Variants in MDGA1 observed in about 807,000 individuals in gnomAD.
MDGA1 encodes the protein MAM domain containing glycosylphosphatidylinositol anchor 1, also known as MAM domain-containing glycosylphosphatidylinositol anchor protein 1.
In MDGA1, 54 loss-of-function variants were observed where a neutral mutation model predicts 101.5. The ratio of observed to expected loss-of-function variants is 0.53; its 90% confidence interval spans 0.43 to 0.67. MDGA1 has a LOEUF of 0.67. Among genes scored for constraint, MDGA1 ranks in the 30% least tolerant of loss-of-function variants. MDGA1 has a pLI of 0.00. For synonymous variants in MDGA1, 533 were observed against 558.3 expected (o/e 0.95, Z 0.64); for missense variants, 1,083 against 1,323.8 (o/e 0.82, Z 2.82).
intron 1 of MDGA1, among the ~76,000 whole-genome samples, chr6:37,669,150 G>T (rs1761818805): frequency 6.6e-6 from 1 of 152,182 alleles, no homozygotes; most frequent in South Asian, 2.1e-4. Flanking sequence ...CTGGCCAAGA[G>T]AACTTTCTTG....
At chr6:37,670,358 T>C (rs1761842041) in intron 1 of MDGA1, among the ~76,000 whole-genome samples, 1 of 152,130 alleles carries the variant, frequency 6.6e-6, no homozygotes, top group Non-Finnish European at 1.5e-5. Context: ...GTAGGGATGT[T>C]TCATGAACAT....
At chr6:37,681,189 C>T (rs1016651685) in intron 1 of MDGA1, among the ~76,000 whole-genome samples, 8 of 152,222 alleles carry the variant, frequency 5.3e-5, no homozygotes, top group African/African-American at 1.9e-4. Context: ...ACGGATTCCT[C>T]CCTGTCTCAG....
rs1763995630 is a variant in MDGA1, at chr6:37,638,746, C to T, written c.2537-79G>A. On this transcript the variant is annotated intron_variant, in intron 14 of 16. Coordinates refer to ENST00000434837, the MANE Select transcript of MDGA1 (RefSeq NM_153487.4). The surrounding 1 kb of genome is among the most constrained non-coding windows in gnomAD (Gnocchi z 4.8). ...CTTTCCACATTTACCAAGCCCTCTT[C>T]TCCCACCATAGCCTGCAGCCCTGTC... 2.6e-6 allele frequency: 4 copies of T among 1,527,604 alleles called. No individual in the cohort carries two copies. The South Asian group carries it at 3.7e-5, about 14-fold the overall frequency. 94.6% of individuals were successfully genotyped at this position (1,527,604 alleles called of 1,614,324 possible). A position where few individuals can be genotyped will look rare whatever the true frequency, so the allele number is the denominator to read the frequency against.
intron 12 of MDGA1, 95 bp downstream of exon 12, chr6:37,645,834 TCTGA>T: frequency 7.1e-7 from 1 of 1,399,530 alleles, no homozygotes; most frequent in South Asian, 1.2e-5. Flanking sequence ...TCATTTTCTC[TCTGA>T]CTATCTCAAG....
In MDGA1 at chr6:37,638,064, C is replaced by T. The variant is rs1256847228; in HGVS notation, c.2776+141G>A. ...AGTGAGTGTGGGGCACACCTTCACA[C>T]AGTCAGAGCCACATGATTCCCATCA... On this transcript the variant is annotated intron_variant, in intron 16 of 16. Transcript: ENST00000434837. This position sits in a 1 kb window ranked among gnomAD's most constrained non-coding sequence, Gnocchi z 4.8. 1 of 707,804 alleles carries T rather than the reference C, an allele frequency of 1.4e-6. No homozygotes were observed. Among genetic ancestry groups the T allele is most frequent in the Non-Finnish European group, 2.5e-6 (1 of 392,704 alleles). The allele number at this position is 707,804 out of a possible 1,614,324, so 43.8% of individuals were successfully genotyped here.
At chr6:37,670,104 A>G (rs551035937) in intron 1 of MDGA1, among the ~76,000 whole-genome samples, 6 of 152,018 alleles carry the variant, frequency 3.9e-5, no homozygotes, top group African/African-American at 1.4e-4. Flanking sequence ...AAATTACTTA[A>G]CCTCTCTGAG....
intron 16 of MDGA1, among the ~76,000 whole-genome samples, chr6:37,637,776 A>AT (rs563131197): frequency 6.6e-6 from 1 of 152,150 alleles, no homozygotes; most frequent in African/African-American, 2.4e-5. Flanking sequence ...TGTTGTGAGG[A>AT]TTAACTGTTG....
intron 1 of MDGA1, among the ~76,000 whole-genome samples, chr6:37,675,787 A>T (rs1761966341): frequency 6.6e-6 from 1 of 152,178 alleles, no homozygotes; most frequent in East Asian, 1.9e-4. Flanking sequence ...CAGAAAGGAA[A>T]GTTCTAGCCC....
At chr6:37,686,197 C>T (rs918152621) in intron 1 of MDGA1, among the ~76,000 whole-genome samples, 19 of 152,274 alleles carry the variant, frequency 1.2e-4, no homozygotes, top group African/African-American at 4.3e-4. Context: ...TTAAAGACAG[C>T]AGACTCAGCC....
chr6:37,692,911 A>G (rs929226559), intron 1 of MDGA1, among the ~76,000 whole-genome samples: 5 of 152,108 alleles, frequency 3.3e-5, no homozygotes, highest in Non-Finnish European at 7.4e-5. Flanking sequence ...GCAGATTCCC[A>G]TCCTGTAATG....
Position 37,637,468 on chromosome 6 carries a change from G to T in MDGA1, c.2777-9C>A. 1 of 1,611,344 alleles carries T rather than the reference G, an allele frequency of 6.2e-7. No individual in the cohort carries two copies. Among genetic ancestry groups the T allele is most frequent in the Non-Finnish European group, 8.5e-7 (1 of 1,178,074 alleles). ...GCCCGGCATCACCACCACTGCAACA[G>T]GGGAGAAAGAGGAGACAGGCCAGGG... is the stretch of plus-strand genomic sequence containing the variant. On this transcript the variant is annotated splice_polypyrimidine_tract_variant and intron_variant, in intron 16 of 16. Transcript: ENST00000434837.
intron 1 of MDGA1, among the ~76,000 whole-genome samples, chr6:37,676,779 C>T (rs1451185273): frequency 6.6e-6 from 1 of 152,096 alleles, no homozygotes; most frequent in Non-Finnish European, 1.5e-5. Flanking sequence ...TGCCTGTAAT[C>T]CCAGCTACTC....
At chr6:37,664,909 C>A (rs35512684) in intron 1 of MDGA1, among the ~76,000 whole-genome samples, 10 of 85,822 alleles carry the variant, frequency 1.2e-4, no homozygotes, top group Admixed American at 2.6e-4. Flanking sequence ...ACACACACGG[C>A]TGCACATTGC....
Position 37,649,157 on chromosome 6 carries a change from A to T in MDGA1, c.1719T>A (p.Ala573=), listed in dbSNP as rs1266377605. ...LRGSPQRIAS[A]VWRFKGQLLP... Reference sequence around the variant, plus strand: ...GCAGCTGCCCTTTGAAACGCCACACAGCCGAGGCGATGCGCTGGGGGCTGC... The same window carrying T: ...GCAGCTGCCCTTTGAAACGCCACACTGCCGAGGCGATGCGCTGGGGGCTGC... Residue 573 remains alanine, a synonymous_variant, in exon 9 of 17, where the codon GCT becomes GCA. Transcript: ENST00000434837. The T allele has an allele frequency of 2.0e-6, 3 of 1,504,266 alleles. No individual in the cohort carries two copies. Among genetic ancestry groups the T allele is most frequent in the Non-Finnish European group, 2.6e-6 (3 of 1,133,656 alleles). The allele number at this position is 1,504,266 out of a possible 1,614,324, so 93.2% of individuals were successfully genotyped here. A position where few individuals can be genotyped will look rare whatever the true frequency, so the allele number is the denominator to read the frequency against.
In MDGA1 at chr6:37,636,686, G is replaced by A. The variant is rs1763936459; in HGVS notation, c.*682C>T. On this transcript the variant is annotated 3_prime_UTR_variant, in exon 17 of 17. Coordinates refer to ENST00000434837, the MANE Select transcript of MDGA1 (RefSeq NM_153487.4). ...CTTCAAAGGGTGCACACTGAGGAGG[G>A]AAATATGGTGTCCCAGAAATAGGTC... 2 of 152,848 alleles carry A rather than the reference G, an allele frequency of 1.3e-5. No individual in the cohort carries two copies. Among genetic ancestry groups the A allele is most frequent in the Non-Finnish European group, 2.9e-5 (2 of 68,104 alleles). The allele number at this position is 152,848 out of a possible 1,614,324, so 9.5% of individuals were successfully genotyped here.
At chr6:37,662,643 A>AAAAAAAGAAAAGAAAAGAAAAC in intron 2 of MDGA1, among the ~76,000 whole-genome samples, 1 of 145,230 alleles carries the variant, frequency 6.9e-6, no homozygotes, top group South Asian at 2.2e-4. Flanking sequence ...TCAAAAAAAA[A>AAAAAAAGAAAAGAAAAGAAAAC]AAAACAAGGA....
chr6:37,640,693 G>C (rs898345502), intron 14 of MDGA1, among the ~76,000 whole-genome samples: 1 of 152,076 alleles, frequency 6.6e-6, no homozygotes, highest in South Asian at 2.1e-4. Context: ...TGAGCAGGGG[G>C]GACATTGGAG....
intron 1 of MDGA1, among the ~76,000 whole-genome samples, chr6:37,690,360 G>A (rs1762283483): frequency 6.6e-6 from 1 of 152,202 alleles, no homozygotes; most frequent in South Asian, 2.1e-4. Flanking sequence ...AGCAGTTCTG[G>A]GTTCAAGTCC....
rs201772848 is a variant in MDGA1, at chr6:37,638,555, G to A, written c.2649C>T (p.Ser883=). ...GACTCACCTGGAAGGGCCCACTGGG[G>A]CTGATGGGCACATGGGCCTGCTGCC... is the stretch of plus-strand genomic sequence containing the variant. ...NVWQQAHVPI[S]PSGPFQIIFE... is the part of the protein sequence containing the mutation. Residue 883 remains serine (S), a synonymous_variant, in exon 15 of 17, where the codon AGC becomes AGT. Coordinates refer to ENST00000434837, the MANE Select transcript of MDGA1 (RefSeq NM_153487.4). This position sits in a 1 kb window ranked among gnomAD's most constrained non-coding sequence, Gnocchi z 4.8. The A allele has an allele frequency of 1.2e-3, 1,961 of 1,613,972 alleles. 21 individuals are homozygous for A. Among genetic ancestry groups the A allele is most frequent in the Middle Eastern group, 9.9e-3 (60 of 6,062 alleles).
Sources: allele counts gnomAD v4.1 joint callset (sites outside exome capture counted in the v4.1 genomes callset), GRCh38; gene constraint gnomAD v4.1.1; non-coding constraint Gnocchi (gnomAD v3.1); transcripts MANE v1.5; gene names NCBI Gene and HGNC (gene_info 2026-07-23, HGNC 2026-07-21).